The following EBF1 variants were observed in gnomAD, a reference collection of about 807,000 sequenced individuals.
EBF1 encodes transcription factor COE1.
EBF1 carries 10 observed loss-of-function variants against 68.4 expected under a neutral mutation model. That is an observed-to-expected ratio of 0.15 (90% CI 0.09 to 0.25). EBF1 has a LOEUF of 0.25. Ranked by LOEUF, EBF1 falls within the 10% of genes least tolerant of loss-of-function variation. EBF1 has a pLI of 1.00. For synonymous variants in EBF1, 298 were observed against 299.8 expected, an observed-to-expected ratio of 0.99 and a Z score of 0.06; for missense variants, 509 against 794.4, an observed-to-expected ratio of 0.64 and a Z score of 4.32.
chr5:158,976,876 G>A (rs1756871823), intron 6 of EBF1, among the ~76,000 whole-genome samples: 7 of 152,206 alleles, frequency 4.6e-5, no homozygotes, highest in Admixed American at 4.6e-4. Flanking sequence ...ATATTTATTA[G>A]TGAGTATACA....
intron 10 of EBF1, among the ~76,000 whole-genome samples, chr5:158,755,990 A>G (rs892459930): frequency 2.6e-5 from 4 of 152,194 alleles, no homozygotes; most frequent in African/African-American, 9.6e-5. Context: ...TCTCTTTCTT[A>G]AATTTCCTAA....
intron 8 of EBF1, among the ~76,000 whole-genome samples, chr5:158,808,265 C>T (rs1781966430): frequency 6.6e-6 from 1 of 152,164 alleles, no homozygotes; most frequent in Admixed American, 6.5e-5. Context: ...GGGGTCTGGG[C>T]TGTTCTGTCT....
intron 8 of EBF1, among the ~76,000 whole-genome samples, chr5:158,804,880 G>A (rs1340310652): frequency 3.9e-5 from 6 of 152,080 alleles, no homozygotes; most frequent in Non-Finnish European, 8.8e-5. Context: ...TCACTCCATT[G>A]CAAAGCAATG....
chr5:159,075,159 G>T (rs1249400455), intron 5 of EBF1, among the ~76,000 whole-genome samples: 1 of 152,076 alleles, frequency 6.6e-6, no homozygotes, highest in Non-Finnish European at 1.5e-5. Flanking sequence ...CTGTAAAATG[G>T]AGCAATTGCA....
At chr5:159,035,107 CAG>C (rs775356693) in intron 6 of EBF1, among the ~76,000 whole-genome samples, 17 of 151,650 alleles carry the variant, frequency 1.1e-4, no homozygotes, top group Non-Finnish European at 7.4e-5. Flanking sequence ...CCATCAGAAA[CAG>C]GGGGAAAGAA....
chr5:158,759,940 T>G (rs1771034432), intron 10 of EBF1, among the ~76,000 whole-genome samples: 1 of 150,476 alleles, frequency 6.6e-6, no homozygotes, highest in African/African-American at 2.4e-5. Flanking sequence ...AAAAAAATAA[T>G]GTGACAACAA....
At chr5:158,887,561 A>T (rs1360761563) in intron 6 of EBF1, among the ~76,000 whole-genome samples, 1 of 152,226 alleles carries the variant, frequency 6.6e-6, no homozygotes, top group Non-Finnish European at 1.5e-5. Context: ...ATAAATATTA[A>T]TAATACATAC....
intron 6 of EBF1, among the ~76,000 whole-genome samples, chr5:158,953,733 T>C (rs1228826232): frequency 2.0e-5 from 3 of 152,084 alleles, no homozygotes; most frequent in Non-Finnish European, 4.4e-5. Context: ...GGGTAGAGAT[T>C]TTTCAAGCCA....
At position 158,793,349 on chromosome 5, in the gene EBF1, C is replaced by T. The variant is rs77988477; in HGVS notation, c.909+2996G>A. 2.2e-3 allele frequency among the ~76,000 whole-genome samples: 336 copies of T among 152,296 alleles called. 3 individuals are homozygous for T. Among genetic ancestry groups the T allele is most frequent in the African/African-American group, 7.9e-3 (328 of 41,564 alleles). ...GCAAGCCTTGACAAATGGCCTCAAA[C>T]TTGGTTAATATTTTTCTGCTTCTAC... is the stretch of plus-strand genomic sequence containing the variant. On this transcript the variant is annotated intron_variant, in intron 9 of 15. Transcript: ENST00000313708.
intron 14 of EBF1, among the ~76,000 whole-genome samples, chr5:158,709,117 G>T (rs1425815391): frequency 1.3e-5 from 2 of 152,108 alleles, no homozygotes; most frequent in Non-Finnish European, 2.9e-5. Context: ...TTTCACATAC[G>T]CTAAGTCAAG....
At chr5:159,074,030 A>ATG (rs1778294598) in intron 5 of EBF1, among the ~76,000 whole-genome samples, 1 of 152,218 alleles carries the variant, frequency 6.6e-6, no homozygotes, top group African/African-American at 2.4e-5. Context: ...GAATAAAGGT[A>ATG]AAACACAATA....
intron 6 of EBF1, among the ~76,000 whole-genome samples, chr5:159,015,625 T>C (rs569799103): frequency 6.6e-6 from 1 of 152,182 alleles, no homozygotes; most frequent in Non-Finnish European, 1.5e-5. Flanking sequence ...CTCTGCTCCT[T>C]AACTTCAGGA....
At chr5:159,064,180 A>C (rs908551157) in intron 6 of EBF1, among the ~76,000 whole-genome samples, 5 of 152,218 alleles carry the variant, frequency 3.3e-5, no homozygotes, top group Non-Finnish European at 5.9e-5. Context: ...ATGTGTTTAT[A>C]TATATGTGTG....
chr5:158,744,884 G>A (rs1185470021), intron 10 of EBF1, among the ~76,000 whole-genome samples: 1 of 152,100 alleles, frequency 6.6e-6, no homozygotes, highest in Non-Finnish European at 1.5e-5. Flanking sequence ...GAAGATGAGG[G>A]GATTTCCATG....
intron 6 of EBF1, among the ~76,000 whole-genome samples, chr5:158,978,835 C>CACACACACACAG (rs753714441): frequency 2.0e-5 from 3 of 147,048 alleles, no homozygotes; most frequent in African/African-American, 7.8e-5. Context: ...CACACACACA[C>CACACACACACAG]AGAGAGAGAG....
At chr5:158,829,759 T>C (rs13359166) in intron 7 of EBF1, among the ~76,000 whole-genome samples, 114,186 of 152,082 alleles carry the variant, frequency 0.75, 43,125 homozygotes, top group South Asian at 0.88. Context: ...ACTCGTCAAA[T>C]GTTAGAGTCA....
In EBF1 at chr5:158,969,924, A is replaced by AAGAAAGAAAG. The variant is rs761760536; in HGVS notation, c.554+103471_554+103472insCTTTCTTTCT. On this transcript the variant is annotated intron_variant, in intron 6 of 15. Transcript: ENST00000313708. ...AGAAAGAAAGAAAGAAAGAAAAAAA[A>AAGAAAGAAAG]AAAAAAGGCTGCTGGAAGTTTTGCA... is the stretch of plus-strand genomic sequence containing the variant. Among the ~76,000 whole-genome samples the AAGAAAGAAAG allele has an allele frequency of 3.8e-3, 443 of 115,838 alleles. 12 individuals are homozygous for AAGAAAGAAAG. The highest frequency in any genetic ancestry group is 0.013 in the Middle Eastern group (3 of 236). 76.0% of individuals were successfully genotyped at this position (115,838 alleles called of 152,430 possible).
intron 6 of EBF1, among the ~76,000 whole-genome samples, chr5:159,054,053 G>T (rs2127832406): frequency 6.6e-6 from 1 of 152,282 alleles, no homozygotes; most frequent in African/African-American, 2.4e-5. Context: ...CTAGAACCAA[G>T]GTCATTATTG....
intron 12 of EBF1, 79 bp downstream of exon 12, chr5:158,714,038 C>T: frequency 1.4e-6 from 2 of 1,466,152 alleles, no homozygotes; most frequent in Non-Finnish European, 9.5e-7. Flanking sequence ...ATTGTTTGTG[C>T]TTTCTCATTA....
Sources: gnomAD v4.1 joint callset for allele counts (sites outside exome capture counted in the v4.1 genomes callset) on GRCh38, gnomAD v4.1.1 for gene constraint, MANE v1.5 for transcripts, NCBI Gene and HGNC (gene_info 2026-07-23, HGNC 2026-07-21) for gene names.